JARID2: variants seen among roughly 807,000 people sequenced by gnomAD.
JARID2 encodes jumonji and AT-rich interaction domain containing 2.
A neutral mutation model predicts 125.6 loss-of-function variants in JARID2; 21 were observed. That is an observed-to-expected ratio of 0.17 (90% confidence interval 0.12 to 0.24). The LOEUF (loss-of-function observed/expected upper bound fraction) is 0.24, where lower values mean the gene tolerates loss of function less well. Among genes scored for constraint, JARID2 ranks in the 10% least tolerant of loss-of-function variants. The probability of loss-of-function intolerance (pLI) is 1.00; values close to 1 mark genes in which losing one functional copy is unlikely to be tolerated. For synonymous variants in JARID2, 736 were observed against 661.6 expected, an observed-to-expected ratio of 1.11 and a Z score of -1.73; for missense variants, 1,303 against 1,639.6, an observed-to-expected ratio of 0.79 and a Z score of 3.55.
intron 1 of JARID2, chr6:15,368,562 T>G (rs913232907): frequency 2.5e-5 from 9 of 358,122 alleles, no homozygotes; most frequent in Admixed American, 2.2e-4. Flanking sequence ...GGTTGTTGGG[T>G]TTTAAAGAGA....
At chr6:15,437,241 T>C (rs1767247580) in intron 3 of JARID2, among the ~76,000 whole-genome samples, 1 of 152,082 alleles carries the variant, frequency 6.6e-6, no homozygotes. Context: ...GTCTAGGTCA[T>C]ACTTTATGTT....
intron 4 of JARID2, among the ~76,000 whole-genome samples, chr6:15,457,703 G>C (rs1768252864): frequency 6.6e-6 from 1 of 151,852 alleles, no homozygotes; most frequent in African/African-American, 2.4e-5. Context: ...GAGGCCAAGG[G>C]AAAGACAGCG....
chr6:15,418,369 C>T (rs1488470858), intron 3 of JARID2, among the ~76,000 whole-genome samples: 2 of 152,018 alleles, frequency 1.3e-5, no homozygotes, highest in African/African-American at 4.8e-5. Context: ...AGGTGCATGC[C>T]ACCACACTTG....
chr6:15,468,729 C>T lies in JARID2; in HGVS notation c.670+11C>T, dbSNP rs368594042. On this transcript the variant is annotated intron_variant, in intron 5 of 17. Transcript: ENST00000341776. ...TTCACAACGGGCATGGTAGGTCCAC[C>T]GTTGAACTTGGATAAGAAAAAATCT... 3.6e-5 allele frequency: 57 copies of T among 1,598,068 alleles called. No homozygotes were observed. Among genetic ancestry groups the T allele is most frequent in the East Asian group, 1.1e-4 (5 of 44,594 alleles).
intron 3 of JARID2, among the ~76,000 whole-genome samples, chr6:15,433,603 G>T (rs1337121780): frequency 6.6e-6 from 1 of 152,110 alleles, no homozygotes; most frequent in Admixed American, 6.5e-5. Flanking sequence ...GTCATATGCT[G>T]GCTTTAATTT....
chr6:15,439,063 T>A (rs1232386627), intron 3 of JARID2, among the ~76,000 whole-genome samples: 1 of 149,348 alleles, frequency 6.7e-6, no homozygotes, highest in African/African-American at 2.5e-5. Context: ...TGGGGGGTGC[T>A]TTTTCTGGTT....
At position 15,392,061 on chromosome 6, in the gene JARID2, TGTGTGTGTGTGTGTGTGC is replaced by T. The variant is rs1007665251; in HGVS notation, c.181+17814_181+17831del. Among the ~76,000 whole-genome samples the T allele has an allele frequency of 2.3e-4, 24 of 103,384 alleles. No individual in the cohort carries two copies. In the South Asian group the frequency reaches 5.4e-3, roughly 23 times the overall value. 67.8% of individuals were successfully genotyped at this position (103,384 alleles called of 152,430 possible). A position where few individuals can be genotyped will look rare whatever the true frequency, so the allele number is the denominator to read the frequency against. On this transcript the variant is annotated intron_variant, in intron 2 of 17. Transcript: ENST00000341776. ...AGTGGTGTGTGTGTGTGTGTGTGTG[TGTGTGTGTGTGTGTGTGC>T]GTGTCTGGAGGTGGCAAAATGTGAG...
At chr6:15,405,344 A>G (rs1031998620) in intron 2 of JARID2, among the ~76,000 whole-genome samples, 1 of 152,096 alleles carries the variant, frequency 6.6e-6, no homozygotes, top group Non-Finnish European at 1.5e-5. Flanking sequence ...GTTGTGTTCA[A>G]TTTCTTTAGA....
intron 2 of JARID2, among the ~76,000 whole-genome samples, chr6:15,409,105 G>C (rs185070559): frequency 2.6e-5 from 4 of 152,298 alleles, no homozygotes; most frequent in Non-Finnish European, 4.4e-5. Context: ...TGTTCATTCA[G>C]AATGTTTATG....
chr6:15,428,930 A>AACCCC (rs1766847932), intron 3 of JARID2, among the ~76,000 whole-genome samples: 2 of 89,848 alleles, frequency 2.2e-5, no homozygotes, highest in Admixed American at 1.2e-4. Flanking sequence ...AAAAAAACAA[A>AACCCC]CCCCCCCCCC....
chr6:15,360,107 C>T (rs557160162), intron 1 of JARID2, among the ~76,000 whole-genome samples: 1 of 152,008 alleles, frequency 6.6e-6, no homozygotes, highest in African/African-American at 2.4e-5. Context: ...AGTAATTTCT[C>T]TTTCTATCCA....
chr6:15,474,481 T>C (rs552290730), intron 5 of JARID2, among the ~76,000 whole-genome samples: 1 of 151,504 alleles, frequency 6.6e-6, no homozygotes, highest in African/African-American at 2.4e-5. Flanking sequence ...TTTTTTTAGC[T>C]ACTCGTTAGC....
chr6:15,413,659 T>A (rs1218756749), intron 3 of JARID2, among the ~76,000 whole-genome samples: 1 of 152,206 alleles, frequency 6.6e-6, no homozygotes, highest in Non-Finnish European at 1.5e-5. Context: ...CAGGCTGGAA[T>A]GTAGTGGTGT....
At chr6:15,377,548 C>T (rs1217997233) in intron 2 of JARID2, among the ~76,000 whole-genome samples, 2 of 152,146 alleles carry the variant, frequency 1.3e-5, no homozygotes, top group African/African-American at 2.4e-5. Flanking sequence ...TCACTGCAAC[C>T]CCCACCTCCC....
chr6:15,400,930 T>G, intron 2 of JARID2: 1 of 1,289,442 alleles, frequency 7.8e-7, no homozygotes. Context: ...TCTGTCTCTC[T>G]GCAATGATCC....
intron 1 of JARID2, among the ~76,000 whole-genome samples, chr6:15,278,821 C>T (rs1760640400): frequency 6.6e-6 from 1 of 152,116 alleles, no homozygotes; most frequent in South Asian, 2.1e-4. Context: ...GTAATCCCAG[C>T]ACTTTGAGAG....
chr6:15,424,730 A>T (rs1202568437), intron 3 of JARID2, among the ~76,000 whole-genome samples: 2 of 152,144 alleles, frequency 1.3e-5, no homozygotes, highest in African/African-American at 2.4e-5. Context: ...GTGGTGGCGC[A>T]TCCTTGTAAT....
intron 1 of JARID2, among the ~76,000 whole-genome samples, chr6:15,323,084 C>G (rs566042648): frequency 1.3e-5 from 2 of 152,356 alleles, no homozygotes; most frequent in South Asian, 2.1e-4. Flanking sequence ...TCACAACATT[C>G]TGGTTGTAGG....
chr6:15,255,040 A>G (rs1759607414), intron 1 of JARID2, among the ~76,000 whole-genome samples: 1 of 151,076 alleles, frequency 6.6e-6, no homozygotes. Context: ...AAAAAACACC[A>G]CAAAAACACA....
Sources: gnomAD v4.1 joint callset for allele counts (sites outside exome capture counted in the v4.1 genomes callset) on GRCh38, gnomAD v4.1.1 for gene constraint, MANE v1.5 for transcripts, NCBI Gene and HGNC (gene_info 2026-07-23, HGNC 2026-07-21) for gene names.